Variants in GRIN3A observed in about 807,000 individuals in gnomAD.
GRIN3A encodes glutamate ionotropic receptor NMDA type subunit 3A.
Under a neutral mutation model 92.4 loss-of-function variants are expected in GRIN3A, and 47 were observed. That is an observed-to-expected ratio of 0.51 (90% CI 0.40 to 0.65). The LOEUF (loss-of-function observed/expected upper bound fraction) is 0.65. Among genes scored for constraint, GRIN3A ranks in the 30% least tolerant of loss-of-function variants. GRIN3A has a pLI of 0.00. For missense variants in GRIN3A, 1,324 were observed against 1,393.1 expected (o/e 0.95, Z 0.79); for synonymous variants, 527 against 540.6 (o/e 0.97, Z 0.35).
intron 1 of GRIN3A, among the ~76,000 whole-genome samples, chr9:101,693,569 A>G (rs1829647284): frequency 6.6e-6 from 1 of 152,124 alleles, no homozygotes; most frequent in African/African-American, 2.4e-5. Context: ...ATAATTTCCA[A>G]TTATTTGCCA....
chr9:101,623,436 A>T lies in GRIN3A; in HGVS notation c.2499-3T>A. 6 of 1,556,184 alleles carry T rather than the reference A, an allele frequency of 3.9e-6. No individual in the cohort carries two copies. Among genetic ancestry groups the T allele is most frequent in the Non-Finnish European group, 5.3e-6 (6 of 1,127,266 alleles). ...CGTCTAGTTTCTCTGGATCATTCCT[A>T]TATTTAAGACCAGAGGAGAAAAGTG... is the stretch of plus-strand genomic sequence containing the variant. On this transcript the variant is annotated splice_region_variant and splice_polypyrimidine_tract_variant and intron_variant, in intron 4 of 8. Transcript: ENST00000361820.
chr9:101,706,724 G>A (rs1486976518), intron 1 of GRIN3A, among the ~76,000 whole-genome samples: 2 of 152,160 alleles, frequency 1.3e-5, no homozygotes, highest in Non-Finnish European at 2.9e-5. Flanking sequence ...TTCTTTTCAA[G>A]CAACCATTCA....
intron 1 of GRIN3A, among the ~76,000 whole-genome samples, chr9:101,711,754 G>A (rs528043340): frequency 2.0e-5 from 3 of 152,264 alleles, no homozygotes; most frequent in Admixed American, 6.5e-5. Flanking sequence ...ATAGCGAAAT[G>A]AGCATTGGAA....
intron 3 of GRIN3A, among the ~76,000 whole-genome samples, chr9:101,632,103 C>T (rs1188191576): frequency 2.0e-5 from 3 of 152,218 alleles, no homozygotes; most frequent in Non-Finnish European, 4.4e-5. Context: ...CCAGTTCTCT[C>T]ATTTCCAAAA....
chr9:101,667,255 A>C (rs955627958), intron 3 of GRIN3A, among the ~76,000 whole-genome samples: 6 of 151,932 alleles, frequency 3.9e-5, no homozygotes, highest in East Asian at 2.0e-4. Flanking sequence ...ATATTACAAA[A>C]TAGGTATACT....
intron 3 of GRIN3A, among the ~76,000 whole-genome samples, chr9:101,667,486 C>G (rs758721431): frequency 2.6e-5 from 4 of 151,958 alleles, no homozygotes; most frequent in Non-Finnish European, 5.9e-5. Flanking sequence ...TAAACTTTGG[C>G]GTATTTGTAA....
At chr9:101,594,397 T>C (rs766119488) in intron 6 of GRIN3A, 1 of 1,578,632 alleles carries the variant, frequency 6.3e-7, no homozygotes, top group African/African-American at 1.4e-5. Context: ...GTGGTGCTTG[T>C]AAGAAAAAGG....
At chr9:101,598,185 A>C (rs1212892224) in intron 6 of GRIN3A, among the ~76,000 whole-genome samples, 1 of 152,194 alleles carries the variant, frequency 6.6e-6, no homozygotes, top group Non-Finnish European at 1.5e-5. Flanking sequence ...TTACCGTTTC[A>C]ACATGTAACC....
At chr9:101,706,993 T>G (rs1337505909) in intron 1 of GRIN3A, among the ~76,000 whole-genome samples, 1 of 152,170 alleles carries the variant, frequency 6.6e-6, no homozygotes, top group African/African-American at 2.4e-5. Flanking sequence ...AATGAGGTGG[T>G]GAGACTAAAT....
intron 6 of GRIN3A, among the ~76,000 whole-genome samples, chr9:101,585,947 G>A (rs1234153406): frequency 6.6e-6 from 1 of 152,106 alleles, no homozygotes; most frequent in Non-Finnish European, 1.5e-5. Flanking sequence ...TCTCTCGCTG[G>A]TTGACTTTGC....
chr9:101,736,121 A>T (rs2065964), intron 1 of GRIN3A, among the ~76,000 whole-genome samples: 144,654 of 152,342 alleles, frequency 0.95, 68,713 homozygotes, highest in Middle Eastern at 0.99. Context: ...TGGAAATACA[A>T]ATTTTTCCAG....
In GRIN3A at chr9:101,613,521, C is replaced by A. The variant is rs771237783; in HGVS notation, c.2621G>T (p.Gly874Val). Residue 874 changes from glycine (G) to valine (V), a missense_variant, in exon 6 of 9, where the codon GGC becomes GTC. By Grantham distance (109) the Gly-to-Val change is moderately radical. Coordinates refer to ENST00000361820, the MANE Select transcript of GRIN3A (RefSeq NM_133445.3). ...TGGAGAGTTGGGTGGGAGGCCAATG[C>A]CGTATCCTAGAAGAAAATACAATCT... ...VGKPFAIEGY[G>V]IGLPPNSPLT... is the part of the protein sequence containing the mutation. The A allele has an allele frequency of 9.3e-6, 15 of 1,614,070 alleles. 1 individual carries two copies. In the South Asian group the frequency reaches 1.5e-4, roughly 17 times the overall value.
chr9:101,644,275 A>G (rs541836046), intron 3 of GRIN3A, among the ~76,000 whole-genome samples: 86 of 151,992 alleles, frequency 5.7e-4, no homozygotes, highest in Middle Eastern at 3.4e-3. Flanking sequence ...CAGGTAGACT[A>G]TTTCTTCTTA....
At chr9:101,689,357 C>T (rs1191769134) in intron 1 of GRIN3A, among the ~76,000 whole-genome samples, 1 of 152,098 alleles carries the variant, frequency 6.6e-6, no homozygotes, top group East Asian at 1.9e-4. Flanking sequence ...TTAAGAGTCA[C>T]GGATGAAATT....
chr9:101,723,267 T>G (rs1830037208), intron 1 of GRIN3A, among the ~76,000 whole-genome samples: 2 of 152,094 alleles, frequency 1.3e-5, no homozygotes, highest in African/African-American at 4.8e-5. Flanking sequence ...AGTTTCTTCC[T>G]TCTGGTGGGT....
At chr9:101,643,551 A>T (rs1377231225) in intron 3 of GRIN3A, among the ~76,000 whole-genome samples, 1 of 152,120 alleles carries the variant, frequency 6.6e-6, no homozygotes, top group East Asian at 1.9e-4. Flanking sequence ...ACTCCTGGGT[A>T]TATATTCAAA....
In GRIN3A at chr9:101,670,344, C is replaced by T. The variant is rs376247266; in HGVS notation, c.2068G>A (p.Val690Ile). Residue 690 changes from valine (V) to isoleucine (I), a missense_variant, in exon 3 of 9, where the codon GTC becomes ATC. Coordinates refer to ENST00000361820, the MANE Select transcript of GRIN3A (RefSeq NM_133445.3). ...GIFVALHITA[V>I]FLTLYEWKSP... ...TTCCATTCATACAGAGTGAGGAAGACGGCAGTGATGTGCAGAGCCACAAAA... is the reference window on the plus strand; with the variant it reads ...TTCCATTCATACAGAGTGAGGAAGATGGCAGTGATGTGCAGAGCCACAAAA... 77 of 1,613,982 alleles carry T rather than the reference C, an allele frequency of 4.8e-5. No individual in the cohort carries two copies. Among genetic ancestry groups the T allele is most frequent in the African/African-American group, 2.9e-4 (22 of 75,024 alleles).
At chr9:101,608,001 CTG>C (rs111522788) in intron 6 of GRIN3A, among the ~76,000 whole-genome samples, 2 of 152,298 alleles carry the variant, frequency 1.3e-5, no homozygotes, top group African/African-American at 4.8e-5. Context: ...TCCTGAAATT[CTG>C]TCTTAGGTTG....
intron 5 of GRIN3A, among the ~76,000 whole-genome samples, chr9:101,618,805 T>C (rs1368389087): frequency 6.6e-6 from 1 of 152,230 alleles, no homozygotes; most frequent in Admixed American, 6.5e-5. Context: ...TCAAATTTGC[T>C]AGTGTTCATT....
Sources: gnomAD v4.1 joint callset for allele counts (sites outside exome capture counted in the v4.1 genomes callset) on GRCh38, gnomAD v4.1.1 for gene constraint, MANE v1.5 for transcripts, NCBI Gene and HGNC (gene_info 2026-07-23, HGNC 2026-07-21) for gene names.